Variants in MACROD2 observed in about 807,000 individuals in gnomAD.
MACROD2 encodes ADP-ribose glycohydrolase MACROD2.
MACROD2 carries 36 observed loss-of-function variants against 70.4 expected under a neutral mutation model. The observed-to-expected ratio is 0.51, with a 90% CI of 0.39 to 0.68. The LOEUF (loss-of-function observed/expected upper bound fraction) is 0.68. Ranked by LOEUF, MACROD2 falls within the 30% of genes least tolerant of loss-of-function variation. The probability of loss-of-function intolerance (pLI) is 0.00; values close to 1 mark genes in which losing one functional copy is unlikely to be tolerated. For missense variants in MACROD2, 496 were observed against 538.4 expected, an observed-to-expected ratio of 0.92 and a Z score of 0.78; for synonymous variants, 172 against 178.8, an observed-to-expected ratio of 0.96 and a Z score of 0.30.
At chr20:15,589,656 A>T (rs1216766085) in intron 8 of MACROD2, among the ~76,000 whole-genome samples, 1 of 152,144 alleles carries the variant, frequency 6.6e-6, no homozygotes, top group Non-Finnish European at 1.5e-5. Context: ...CTGCCCTAAA[A>T]ATCCTCTGTG....
chr20:15,580,776 T>C (rs1324110770), intron 8 of MACROD2, among the ~76,000 whole-genome samples: 4 of 152,130 alleles, frequency 2.6e-5, no homozygotes, highest in Non-Finnish European at 5.9e-5. Context: ...ATCATAACCA[T>C]AACAAATGGT....
At chr20:14,457,557 C>G (rs1479011690) in intron 3 of MACROD2, among the ~76,000 whole-genome samples, 1 of 152,140 alleles carries the variant, frequency 6.6e-6, no homozygotes, top group Non-Finnish European at 1.5e-5. Context: ...CAAAAATTCA[C>G]ATGTGTACAC....
chr20:15,108,309 C>T (rs1327579183), intron 5 of MACROD2, among the ~76,000 whole-genome samples: 1 of 152,154 alleles, frequency 6.6e-6, no homozygotes, highest in Non-Finnish European at 1.5e-5. Context: ...ATATTTTCTT[C>T]TTATACTTTG....
chr20:15,595,935 T>C (rs538700887), intron 8 of MACROD2, among the ~76,000 whole-genome samples: 49 of 152,314 alleles, frequency 3.2e-4, no homozygotes, highest in Non-Finnish European at 5.3e-4. Context: ...TAGCATATAG[T>C]AAAAATTTTC....
chr20:14,925,548 G>A (rs955379729), intron 5 of MACROD2, among the ~76,000 whole-genome samples: 1 of 152,146 alleles, frequency 6.6e-6, no homozygotes, highest in Non-Finnish European at 1.5e-5. Context: ...AAAGGAAAAT[G>A]ACATTTCCCC....
intron 3 of MACROD2, among the ~76,000 whole-genome samples, chr20:14,087,436 C>T (rs941155407): frequency 6.6e-5 from 10 of 151,954 alleles, no homozygotes; most frequent in African/African-American, 1.9e-4. Context: ...TGCTTTGTAC[C>T]ACAGCTGCTT....
intron 3 of MACROD2, among the ~76,000 whole-genome samples, chr20:14,419,169 C>T (rs1393747721): frequency 1.3e-5 from 2 of 152,200 alleles, no homozygotes; most frequent in East Asian, 1.9e-4. Context: ...ATTCTCCTGG[C>T]TTAGCCTCCT....
intron 6 of MACROD2, among the ~76,000 whole-genome samples, chr20:15,273,758 A>G (rs2077366563): frequency 6.6e-6 from 1 of 152,140 alleles, no homozygotes; most frequent in South Asian, 2.1e-4. Context: ...TGTATGGTGA[A>G]TGGTGGGAGA....
chr20:14,325,116 T>G (rs2082713471), intron 3 of MACROD2: 1 of 145,514 alleles, frequency 6.9e-6, no homozygotes, highest in Admixed American at 6.9e-5. Flanking sequence ...TTCAGCCAGT[T>G]TTTTTTTTTT....
chr20:14,580,441 GA>G (rs11467360), intron 4 of MACROD2, among the ~76,000 whole-genome samples: 45,068 of 151,454 alleles, frequency 0.3, 7,109 homozygotes, highest in African/African-American at 0.35. Flanking sequence ...CCCGTTGCCT[GA>G]AAAAAAAAAA....
intron 5 of MACROD2, among the ~76,000 whole-genome samples, chr20:14,782,548 T>A (rs1220401275): frequency 6.6e-6 from 1 of 152,064 alleles, no homozygotes; most frequent in African/African-American, 2.4e-5. Context: ...AGCCAAAATA[T>A]GTCATATACC....
chr20:15,869,226 T>A, intron 9 of MACROD2, among the ~76,000 whole-genome samples: 1 of 49,366 alleles, frequency 2.0e-5, no homozygotes, highest in South Asian at 1.6e-3. Flanking sequence ...TATATATATA[T>A]ATATATATAT....
chr20:14,010,089 A>G (rs1016441207), intron 2 of MACROD2, among the ~76,000 whole-genome samples: 2 of 152,284 alleles, frequency 1.3e-5, no homozygotes, highest in African/African-American at 4.8e-5. Flanking sequence ...TTATTTGTCT[A>G]ACAAAGCTGT....
chr20:15,738,850 A>G (rs1249640677), intron 8 of MACROD2, among the ~76,000 whole-genome samples: 1 of 152,080 alleles, frequency 6.6e-6, no homozygotes, highest in Admixed American at 6.6e-5. Flanking sequence ...GTCGGGGAGG[A>G]GAGCTATCAA....
chr20:15,302,315 C>T (rs1423673775), intron 6 of MACROD2, among the ~76,000 whole-genome samples: 2 of 151,956 alleles, frequency 1.3e-5, no homozygotes, highest in Admixed American at 1.3e-4. Context: ...CAGATCTGAA[C>T]ATAAATCCTA....
intron 5 of MACROD2, among the ~76,000 whole-genome samples, chr20:14,721,926 A>G (rs563037758): frequency 1.3e-4 from 20 of 152,300 alleles, no homozygotes; most frequent in African/African-American, 4.1e-4. Flanking sequence ...TAGAAATTAT[A>G]TAGACTTAGG....
intron 5 of MACROD2, among the ~76,000 whole-genome samples, chr20:14,921,729 G>A (rs1164003112): frequency 9.2e-6 from 1 of 108,328 alleles, no homozygotes; most frequent in Non-Finnish European, 2.2e-5. Context: ...AGGGATAATT[G>A]TTTGGTATAT....
chr20:15,873,537 A>G (rs1404423032), intron 9 of MACROD2, among the ~76,000 whole-genome samples: 2 of 152,140 alleles, frequency 1.3e-5, no homozygotes, highest in South Asian at 2.1e-4. Context: ...TTATTGATTT[A>G]TAAGAACTCT....
chr20:14,843,991 G>A (rs1380597170), intron 5 of MACROD2, among the ~76,000 whole-genome samples: 3 of 151,998 alleles, frequency 2.0e-5, no homozygotes, highest in African/African-American at 7.3e-5. Flanking sequence ...CCATCACCAA[G>A]CTGTCCTGCC....
Sources: allele counts gnomAD v4.1 joint callset (sites outside exome capture counted in the v4.1 genomes callset), GRCh38; gene constraint gnomAD v4.1.1; transcripts MANE v1.5; gene names NCBI Gene and HGNC (gene_info 2026-07-23, HGNC 2026-07-21).